Variants in SLC2A5 observed in about 807,000 individuals in gnomAD.
SLC2A5 encodes solute carrier family 2, facilitated glucose transporter member 5.
SLC2A5 carries 56 observed loss-of-function variants against 50.3 expected under a neutral mutation model. That is an observed-to-expected ratio of 1.11 (90% confidence interval 0.90 to 1.39). The LOEUF (loss-of-function observed/expected upper bound fraction) is 1.39. Among genes scored for constraint, SLC2A5 ranks in the 40% most tolerant of loss-of-function variants. The pLI is 0.00. For synonymous variants in SLC2A5, 269 were observed against 281.9 expected (o/e 0.95, Z 0.46); for missense variants, 566 against 650.1 (o/e 0.87, Z 1.41).
upstream of SLC2A5, chr1:9,071,743 CCCTGGA>C (rs1642216446): frequency 6.6e-6 from 1 of 152,404 alleles, no homozygotes; most frequent in Non-Finnish European, 1.5e-5. Flanking sequence ...CGTGCTTCCG[CCCTGGA>C]GGGAGCCGAG....
chr1:9,058,151 C>T lies in SLC2A5; in HGVS notation c.132+1G>A. ...ACATCTTGCTCACCACAGTGACCTA[C>T]CAGTGCTGGGGAGTTGACAGCAGCC... On this transcript the variant is annotated splice_donor_variant, in intron 2 of 11. Coordinates refer to ENST00000377424, the MANE Select transcript of SLC2A5 (RefSeq NM_003039.3). LOFTEE classifies it high-confidence loss of function. The T allele has an allele frequency of 6.2e-7, 1 of 1,608,528 alleles. No homozygotes were observed. Among genetic ancestry groups the T allele is most frequent in the Non-Finnish European group, 8.5e-7 (1 of 1,174,960 alleles).
At chr1:9,039,369 G>A (rs1641228624) in intron 8 of SLC2A5, among the ~76,000 whole-genome samples, 183 bp downstream of exon 8, 1 of 152,368 alleles carries the variant, frequency 6.6e-6, no homozygotes, top group African/African-American at 2.4e-5. Flanking sequence ...CGGGCCCGGT[G>A]CGGCTCGGCA....
upstream of SLC2A5, among the ~76,000 whole-genome samples, chr1:9,091,420 T>C (rs1163735213): frequency 6.6e-6 from 1 of 152,244 alleles, no homozygotes; most frequent in Non-Finnish European, 1.5e-5. Context: ...GCCTCTTTGC[T>C]TAAAATTTTT....
rs1467566543 is a variant in SLC2A5 at position 9,055,766 on chromosome 1, A to G, written c.293+1682T>C. Among the ~76,000 whole-genome samples, 3 of 151,660 alleles carry G rather than the reference A, an allele frequency of 2.0e-5. No homozygotes were observed. In the East Asian group the frequency reaches 5.9e-4, roughly 30 times the overall value. On this transcript the variant is annotated intron_variant, in intron 3 of 11. Transcript: ENST00000377424. ...CCCTGTCTCTACTAAAAATACAAAG[A>G]TTAGCTGCGCGTGGTGGCAGACACC...
intron 5 of SLC2A5, chr1:9,041,438 G>T: frequency 7.9e-7 from 1 of 1,271,986 alleles, no homozygotes; most frequent in South Asian, 3.2e-5. Flanking sequence ...ACTGATGCTG[G>T]GTCCGCCCCA....
chr1:9,057,251 A>C (rs1641779311), intron 3 of SLC2A5, among the ~76,000 whole-genome samples, 197 bp downstream of exon 3: 3 of 150,546 alleles, frequency 2.0e-5, no homozygotes, highest in East Asian at 1.9e-4. Context: ...GCGCCACTGC[A>C]TTCCAGCCTG....
At chr1:9,075,843 T>C (rs1277542641) in intron 2 of SLC2A5, among the ~76,000 whole-genome samples, 1 of 152,148 alleles carries the variant, frequency 6.6e-6, no homozygotes, top group African/African-American at 2.4e-5. Context: ...GTATTTTTAG[T>C]AGAAACGGGG....
intron 2 of SLC2A5, among the ~76,000 whole-genome samples, chr1:9,077,451 C>T (rs1642298809): frequency 6.8e-6 from 1 of 146,636 alleles, no homozygotes; most frequent in Non-Finnish European, 1.5e-5. Flanking sequence ...AAAAAAACCC[C>T]CAGAAAAGTC....
In SLC2A5 at chr1:9,037,989, G is replaced by C; in HGVS notation, c.1210C>G (p.Leu404Val). 6.2e-7 allele frequency: 1 copy of C among 1,613,968 alleles called. No homozygotes were observed. Among genetic ancestry groups the C allele is most frequent in the South Asian group, 1.1e-5 (1 of 91,086 alleles). The change falls in exon 11 of 12, where the codon CTG (leucine) becomes GTG (valine). Residue 404 changes from leucine to valine, a missense_variant. Leu to Val is a conservative substitution (Grantham distance 32, BLOSUM62 1). Coordinates refer to ENST00000377424, the MANE Select transcript of SLC2A5 (RefSeq NM_003039.3). ...IPALLITEIF[L>V]QSSRPSAFMV... ...AAGGCAGATGGCCGAGAGGACTGCA[G>C]GAAGATCTCAGTGATGAGCAGCGCG...
chr1:9,050,146 A>G, intron 3 of SLC2A5, among the ~76,000 whole-genome samples: 1 of 152,014 alleles, frequency 6.6e-6, no homozygotes, highest in South Asian at 2.1e-4. Context: ...GTATGGTGGC[A>G]CACACTTCTA....
chr1:9,054,646 T>C (rs1243367653), intron 3 of SLC2A5, among the ~76,000 whole-genome samples: 1 of 152,166 alleles, frequency 6.6e-6, no homozygotes, highest in Admixed American at 6.5e-5. Flanking sequence ...TAGAAGAGGC[T>C]AGGCGTAGCG....
chr1:9,074,708 G>C (rs1229435805), intron 2 of SLC2A5, among the ~76,000 whole-genome samples: 1 of 152,016 alleles, frequency 6.6e-6, no homozygotes, highest in Non-Finnish European at 1.5e-5. Flanking sequence ...AAGAGAAAAC[G>C]CTGAAAATTC....
intron 3 of SLC2A5, chr1:9,049,095 C>G (rs1641506316): frequency 4.4e-6 from 2 of 455,778 alleles, no homozygotes; most frequent in South Asian, 3.1e-5. Flanking sequence ...CAGGAACAAG[C>G]CTACCCTGGA....
In SLC2A5 at chr1:9,041,877, C is replaced by T. The variant is rs370570172; in HGVS notation, c.479G>A (p.Gly160Glu). The change falls in exon 5 of 12, where the codon GGG becomes GAG. Residue 160 changes from glycine (G) to glutamate (E), a missense_variant. By Grantham distance (98) the Gly-to-Glu change is moderately conservative (BLOSUM62 -2). Coordinates refer to ENST00000377424, the MANE Select transcript of SLC2A5 (RefSeq NM_003039.3). ...LGELAPKNLR[G>E]ALGVVPQLFI... ...GAGCTGGGGCACCACCCCGAGAGCC[C>T]CCCGCAGGTTTTTAGGGGCCAGCTC... The T allele has an allele frequency of 2.5e-5, 40 of 1,613,780 alleles. No individual in the cohort carries two copies. Among genetic ancestry groups the T allele is most frequent in the Non-Finnish European group, 3.3e-5 (39 of 1,179,978 alleles).
chr1:9,069,359 C>T, intron 1 of SLC2A5, 145 bp downstream of exon 1: 2 of 806,282 alleles, frequency 2.5e-6, no homozygotes, highest in Non-Finnish European at 2.0e-6. Context: ...CTGGACAAGA[C>T]TTTCCCCCTC....
At chr1:9,066,431 C>A (rs891626059) in intron 1 of SLC2A5, among the ~76,000 whole-genome samples, 3 of 152,032 alleles carry the variant, frequency 2.0e-5, no homozygotes, top group African/African-American at 7.2e-5. Context: ...GACCAAGTTT[C>A]GCCATGTTGC....
At chr1:9,042,537 G>T (rs1641330064) in intron 4 of SLC2A5, among the ~76,000 whole-genome samples, 1 of 150,494 alleles carries the variant, frequency 6.6e-6, no homozygotes, top group Non-Finnish European at 1.5e-5. Flanking sequence ...CCTGGTGTGT[G>T]TGTGTGTGTG....
At chr1:9,072,916 C>T (rs965437499), upstream of SLC2A5, among the ~76,000 whole-genome samples, 4 of 151,294 alleles carry the variant, frequency 2.6e-5, no homozygotes, top group South Asian at 2.1e-4. Context: ...GAGCTGAGAT[C>T]GCACTACTAC....
chr1:9,079,501 G>A (rs1475945605), intron 2 of SLC2A5, among the ~76,000 whole-genome samples: 1 of 152,038 alleles, frequency 6.6e-6, no homozygotes, highest in Non-Finnish European at 1.5e-5. Flanking sequence ...TCTTTATTTT[G>A]TTGAGACAGA....
Sources: gnomAD v4.1 joint callset for allele counts (sites outside exome capture counted in the v4.1 genomes callset) on GRCh38, gnomAD v4.1.1 for gene constraint, MANE v1.5 for transcripts, NCBI Gene and HGNC (gene_info 2026-07-23, HGNC 2026-07-21) for gene names.